ARHGAP15: variants seen among roughly 807,000 people sequenced by gnomAD.
ARHGAP15 encodes the protein rho GTPase-activating protein 15.
A neutral mutation model predicts 63.7 loss-of-function variants in ARHGAP15; 51 were observed. The ratio of observed to expected loss-of-function variants is 0.80; its 90% confidence interval spans 0.64 to 1.01. The LOEUF is 1.01. Ranked by LOEUF, ARHGAP15 falls within the 50% of genes least tolerant of loss-of-function variation. The probability of loss-of-function intolerance (pLI) is 0.00; values close to 1 mark genes in which losing one functional copy is unlikely to be tolerated. For missense variants in ARHGAP15, 560 were observed against 564.6 expected (o/e 0.99, Z 0.08); for synonymous variants, 191 against 193.8 (o/e 0.99, Z 0.12).
At chr2:143,742,199 C>A (rs1685988808) in intron 13 of ARHGAP15, among the ~76,000 whole-genome samples, 1 of 152,212 alleles carries the variant, frequency 6.6e-6, no homozygotes, top group African/African-American at 2.4e-5. Flanking sequence ...GATCTGATCA[C>A]AAGCTAGGAA....
At chr2:143,569,827 T>C (rs993689416) in intron 11 of ARHGAP15, among the ~76,000 whole-genome samples, 1 of 152,196 alleles carries the variant, frequency 6.6e-6, no homozygotes, top group African/African-American at 2.4e-5. Context: ...CAAGCTATAA[T>C]AGTGGTGGCT....
At chr2:143,567,516 C>T (rs1241829269) in intron 11 of ARHGAP15, among the ~76,000 whole-genome samples, 1 of 152,148 alleles carries the variant, frequency 6.6e-6, no homozygotes, top group Non-Finnish European at 1.5e-5. Context: ...CCTTCCACCT[C>T]CACCTGAAGT....
At chr2:143,301,870 CAT>C (rs953014486) in intron 6 of ARHGAP15, among the ~76,000 whole-genome samples, 3 of 151,422 alleles carry the variant, frequency 2.0e-5, no homozygotes, top group African/African-American at 7.3e-5. Context: ...TATGGAGACA[CAT>C]ATATATGGAG....
At chr2:143,204,884 T>C (rs1692265360) in intron 3 of ARHGAP15, among the ~76,000 whole-genome samples, 1 of 151,998 alleles carries the variant, frequency 6.6e-6, no homozygotes, top group Non-Finnish European at 1.5e-5. Context: ...GTTCCTCTGC[T>C]TTACATCTCT....
At chr2:143,308,992 T>G (rs927565800) in intron 6 of ARHGAP15, among the ~76,000 whole-genome samples, 2 of 151,458 alleles carry the variant, frequency 1.3e-5, no homozygotes, top group African/African-American at 4.8e-5. Context: ...AAGAAAAGTT[T>G]TTATGGAGTT....
intron 6 of ARHGAP15, among the ~76,000 whole-genome samples, chr2:143,425,365 CAT>C (rs1202839924): frequency 6.6e-6 from 1 of 151,904 alleles, no homozygotes; most frequent in Non-Finnish European, 1.5e-5. Context: ...AAATAGAACA[CAT>C]ATGTACACAT....
chr2:143,135,260 T>A (rs1000214427), intron 1 of ARHGAP15, among the ~76,000 whole-genome samples: 2 of 152,218 alleles, frequency 1.3e-5, no homozygotes, highest in Admixed American at 1.3e-4. Context: ...TGAAAGCATT[T>A]TCTGCATGTC....
chr2:143,447,820 G>A (rs1049617849), intron 8 of ARHGAP15, among the ~76,000 whole-genome samples: 11 of 152,160 alleles, frequency 7.2e-5, no homozygotes, highest in Non-Finnish European at 1.0e-4. Context: ...GAACCCTGAA[G>A]AAACCCTTAC....
At chr2:143,446,275 A>G (rs1690133802) in intron 8 of ARHGAP15, among the ~76,000 whole-genome samples, 1 of 151,592 alleles carries the variant, frequency 6.6e-6, no homozygotes, top group Non-Finnish European at 1.5e-5. Flanking sequence ...TAGATTATAT[A>G]TTATGTTATA....
At position 143,532,135 on chromosome 2, in the gene ARHGAP15, A is replaced by G. The variant is rs550080385; in HGVS notation, c.925+12771A>G. 1.6e-4 allele frequency among the ~76,000 whole-genome samples: 25 copies of G among 152,320 alleles called. No homozygotes were observed. In the East Asian group the frequency reaches 4.2e-3, roughly 26 times the overall value. On this transcript the variant is annotated intron_variant, in intron 10 of 13. Coordinates refer to ENST00000295095, the MANE Select transcript of ARHGAP15 (RefSeq NM_018460.4). ...CAAAACAGTGACTGGGAATATTGTT[A>G]GGTGGTTACAGCCTCACATTGCTTT...
At chr2:143,589,137 A>T (rs963748272) in intron 11 of ARHGAP15, among the ~76,000 whole-genome samples, 1 of 152,146 alleles carries the variant, frequency 6.6e-6, no homozygotes, top group African/African-American at 2.4e-5. Context: ...TGCATTTCTA[A>T]CCCTTAGTTT....
At position 143,548,738 on chromosome 2, in the gene ARHGAP15, A is replaced by C. The variant is rs574756587; in HGVS notation, c.926-7670A>C. Among the ~76,000 whole-genome samples, 4 of 152,246 alleles carry C rather than the reference A, an allele frequency of 2.6e-5. No homozygotes were observed. The South Asian group carries it at 8.3e-4, about 32-fold the overall frequency. On this transcript the variant is annotated intron_variant, in intron 10 of 13. Transcript: ENST00000295095. ...ATGATGATAACCAAAAGCAAACAAA[A>C]TAATAAAGGAAAAATTGAAGGTATT...
intron 8 of ARHGAP15, among the ~76,000 whole-genome samples, chr2:143,464,024 A>G (rs143400257): frequency 1.3e-5 from 2 of 152,298 alleles, no homozygotes; most frequent in African/African-American, 4.8e-5. Context: ...AGACATCTCC[A>G]TTCAACAGTA....
intron 9 of ARHGAP15, among the ~76,000 whole-genome samples, chr2:143,502,184 G>A (rs946464081): frequency 6.6e-6 from 1 of 152,058 alleles, no homozygotes; most frequent in African/African-American, 2.4e-5. Flanking sequence ...TGAGGCGAGT[G>A]GATCATCTGA....
At chr2:143,228,768 C>A in intron 5 of ARHGAP15, 100 bp downstream of exon 5, 4 of 777,368 alleles carry the variant, frequency 5.1e-6, no homozygotes, top group South Asian at 4.9e-5. Flanking sequence ...CTCCAAGCTA[C>A]CAACATCTGA....
chr2:143,389,736 G>C (rs1687457751), intron 6 of ARHGAP15, among the ~76,000 whole-genome samples: 1 of 152,086 alleles, frequency 6.6e-6, no homozygotes, highest in Non-Finnish European at 1.5e-5. Flanking sequence ...TTTAATGAAA[G>C]GGTTATCTCT....
chr2:143,162,441 G>T (rs1247584806), intron 2 of ARHGAP15: 1 of 151,948 alleles, frequency 6.6e-6, no homozygotes, highest in Non-Finnish European at 1.5e-5. Flanking sequence ...GCACAAGGGG[G>T]CAGAGCAGTA....
intron 13 of ARHGAP15, among the ~76,000 whole-genome samples, chr2:143,730,206 G>A (rs999998615): frequency 5.3e-5 from 8 of 152,146 alleles, no homozygotes; most frequent in Non-Finnish European, 7.3e-5. Flanking sequence ...CTGCCACAAC[G>A]CAGCCAAAGT....
chr2:143,269,355 T>C (rs572066921), intron 6 of ARHGAP15, among the ~76,000 whole-genome samples: 79 of 152,288 alleles, frequency 5.2e-4, no homozygotes, highest in African/African-American at 1.9e-3. Context: ...AAATGAGTCT[T>C]ACGGAAGTCA....
Sources: allele counts gnomAD v4.1 joint callset (sites outside exome capture counted in the v4.1 genomes callset), GRCh38; gene constraint gnomAD v4.1.1; transcripts MANE v1.5; gene names NCBI Gene and HGNC (gene_info 2026-07-23, HGNC 2026-07-21).